Variants in TMTC2 observed in about 807,000 individuals in gnomAD.
TMTC2 encodes protein O-mannosyl-transferase TMTC2.
TMTC2 carries 43 observed loss-of-function variants against 82.4 expected under a neutral mutation model. That is an observed-to-expected ratio of 0.52 (90% CI 0.41 to 0.67). The LOEUF (loss-of-function observed/expected upper bound fraction) is 0.67, where lower values mean the gene tolerates loss of function less well. Ranked by LOEUF, TMTC2 falls within the 30% of genes least tolerant of loss-of-function variation. TMTC2 has a pLI of 0.00. For synonymous variants in TMTC2, 408 were observed against 381.9 expected, an observed-to-expected ratio of 1.07 and a Z score of -0.80; for missense variants, 919 against 1,012.4, an observed-to-expected ratio of 0.91 and a Z score of 1.25.
intron 11 of TMTC2, among the ~76,000 whole-genome samples, chr12:83,080,689 A>G (rs1883435723): frequency 6.6e-6 from 1 of 152,210 alleles, no homozygotes; most frequent in South Asian, 2.1e-4. Context: ...TACAATCACC[A>G]TTATAAATAA....
At chr12:82,951,294 T>C (rs1877330550) in intron 4 of TMTC2, among the ~76,000 whole-genome samples, 1 of 39,490 alleles carries the variant, frequency 2.5e-5, no homozygotes, top group African/African-American at 7.6e-5. Context: ...CCCAGTGGAA[T>C]TTAACTTTTT....
chr12:82,818,684 A>G (rs896928004), intron 1 of TMTC2, among the ~76,000 whole-genome samples: 83 of 152,106 alleles, frequency 5.5e-4, no homozygotes, highest in African/African-American at 2.0e-3. Context: ...TGAATACTCA[A>G]CTATGTTAAA....
intron 2 of TMTC2, among the ~76,000 whole-genome samples, chr12:82,886,020 C>T (rs1229853366): frequency 6.6e-6 from 1 of 152,198 alleles, no homozygotes; most frequent in Non-Finnish European, 1.5e-5. Context: ...TTTTGTATCA[C>T]TTATCAATAT....
chr12:82,872,841 C>T (rs898870827), intron 2 of TMTC2, among the ~76,000 whole-genome samples: 4 of 152,010 alleles, frequency 2.6e-5, no homozygotes, highest in Non-Finnish European at 5.9e-5. Context: ...AGGCCAGTGA[C>T]GTATGATTTT....
At chr12:82,889,225 C>T (rs11115475) in intron 2 of TMTC2, among the ~76,000 whole-genome samples, 61,131 of 148,872 alleles carry the variant, frequency 0.41, 12,505 homozygotes, top group Middle Eastern at 0.51. Context: ...TGCAGTGAGC[C>T]GAGATCGTAC....
At position 82,937,434 on chromosome 12, in the gene TMTC2, G is replaced by A. The variant is rs866817613; in HGVS notation, c.1598+6889G>A. 2.0e-5 allele frequency among the ~76,000 whole-genome samples: 3 copies of A among 152,104 alleles called. No individual in the cohort carries two copies. In the South Asian group the frequency reaches 6.2e-4, roughly 31 times the overall value. On this transcript the variant is annotated intron_variant, in intron 4 of 11. Coordinates refer to ENST00000321196, the MANE Select transcript of TMTC2 (RefSeq NM_152588.3). ...AAAAGGACATCAGTCATATGGGATTGGGGCCTACCCATAATAATGAATTAC... is the reference window on the plus strand; with the variant it reads ...AAAAGGACATCAGTCATATGGGATTAGGGCCTACCCATAATAATGAATTAC...
At chr12:82,978,142 A>G (rs907035285) in intron 7 of TMTC2, among the ~76,000 whole-genome samples, 2 of 151,898 alleles carry the variant, frequency 1.3e-5, no homozygotes, top group South Asian at 2.1e-4. Context: ...CAGAGTTATA[A>G]CTATTAAATG....
chr12:82,993,748 T>A (rs1167919048), intron 8 of TMTC2, among the ~76,000 whole-genome samples: 2 of 152,218 alleles, frequency 1.3e-5, no homozygotes, highest in Non-Finnish European at 2.9e-5. Context: ...CATTTTGTCA[T>A]AGTCAGCGAC....
intron 2 of TMTC2, among the ~76,000 whole-genome samples, chr12:82,876,099 G>T (rs2662076): frequency 9.0e-4 from 120 of 133,652 alleles, no homozygotes; most frequent in African/African-American, 3.7e-3. Context: ...TATTCATAAT[G>T]GTGGTGGTGG....
chr12:82,788,541 A>T (rs550733318), intron 1 of TMTC2, among the ~76,000 whole-genome samples: 1 of 152,068 alleles, frequency 6.6e-6, no homozygotes, highest in Non-Finnish European at 1.5e-5. Flanking sequence ...CTCCCCACTT[A>T]TATTTTGCAT....
At position 82,716,920 on chromosome 12, in the gene TMTC2, C is replaced by T. The variant is rs540725455; in HGVS notation, c.83+29251C>T. Among the ~76,000 whole-genome samples, 48 of 152,190 alleles carry T rather than the reference C, an allele frequency of 3.2e-4. No individual in the cohort carries two copies. The East Asian group carries it at 8.5e-3, about 27-fold the overall frequency. ...CTTTCTGCAATTTGTTGATACAGGG[C>T]TCTGCAGTGAGAAAGAAAGGTATAT... On this transcript the variant is annotated intron_variant, in intron 1 of 11. Coordinates refer to ENST00000321196, the MANE Select transcript of TMTC2 (RefSeq NM_152588.3).
At position 82,889,282 on chromosome 12, in the gene TMTC2, A is replaced by AAC. The variant is rs745538936; in HGVS notation, c.655-6535_655-6534insCA. On this transcript the variant is annotated intron_variant, in intron 2 of 11. Coordinates refer to ENST00000321196, the MANE Select transcript of TMTC2 (RefSeq NM_152588.3). ...ACAGAGTCTCCAAAAAAAAAAAAAA[A>AAC]AGTGTAGGAAATGACACATCAGTTA... Among the ~76,000 whole-genome samples, 1,055 of 149,494 alleles carry AAC rather than the reference A, an allele frequency of 7.1e-3. 21 individuals are homozygous for AAC. Among genetic ancestry groups the AAC allele is most frequent in the African/African-American group, 0.025 (998 of 40,302 alleles).
chr12:82,869,760 G>T (rs1166994285), intron 2 of TMTC2, among the ~76,000 whole-genome samples: 1 of 151,628 alleles, frequency 6.6e-6, no homozygotes, highest in African/African-American at 2.4e-5. Flanking sequence ...GATCACTTCA[G>T]TCCAGGAAGT....
At chr12:83,032,594 G>T (rs1051824563) in intron 9 of TMTC2, among the ~76,000 whole-genome samples, 1 of 151,864 alleles carries the variant, frequency 6.6e-6, no homozygotes, top group Non-Finnish European at 1.5e-5. Context: ...GCCCAGGCTG[G>T]TGTGCAATGG....
intron 4 of TMTC2, among the ~76,000 whole-genome samples, chr12:82,961,526 T>C (rs1186549297): frequency 1.3e-5 from 2 of 151,774 alleles, no homozygotes; most frequent in Non-Finnish European, 1.5e-5. Flanking sequence ...AGAAAGAGCA[T>C]GAGATTTAGT....
Position 82,851,091 on chromosome 12 carries a change from C to T in TMTC2, c.84-5919C>T, listed in dbSNP as rs545821783. 5.9e-5 allele frequency among the ~76,000 whole-genome samples: 9 copies of T among 151,700 alleles called. No homozygotes were observed. In the South Asian group the frequency reaches 1.9e-3, roughly 32 times the overall value. ...AAAAAAGAAAACAACATTGTGTTTG[C>T]ATTGATGGCTAGCATCAGTTGTTTG... On this transcript the variant is annotated intron_variant, in intron 1 of 11. Transcript: ENST00000321196.
chr12:82,935,334 G>T (rs1047109188), intron 4 of TMTC2, among the ~76,000 whole-genome samples: 2 of 151,978 alleles, frequency 1.3e-5, no homozygotes, highest in Non-Finnish European at 1.5e-5. Flanking sequence ...TGCATTTATT[G>T]TACAGCCTTG....
intron 1 of TMTC2, among the ~76,000 whole-genome samples, chr12:82,803,643 C>T (rs1037757548): frequency 5.3e-5 from 8 of 152,080 alleles, no homozygotes; most frequent in African/African-American, 1.9e-4. Context: ...AAAAATGCTT[C>T]GGTTGAGCAT....
At position 82,694,087 on chromosome 12, in the gene TMTC2, CAATT is replaced by C. The variant is rs768557564; in HGVS notation, c.83+6421_83+6424del. ...TTTTTTAATACAGGTAAATGGGAAA[CAATT>C]AAGTAAACCTATCTGTGTAAACCTG... On this transcript the variant is annotated intron_variant, in intron 1 of 11. Coordinates refer to ENST00000321196, the MANE Select transcript of TMTC2 (RefSeq NM_152588.3). Among the ~76,000 whole-genome samples the C allele has an allele frequency of 3.4e-5, 5 of 148,052 alleles. No individual in the cohort carries two copies. The East Asian group carries it at 6.0e-4, about 18-fold the overall frequency.
Sources: gnomAD v4.1 joint callset for allele counts (sites outside exome capture counted in the v4.1 genomes callset) on GRCh38, gnomAD v4.1.1 for gene constraint, MANE v1.5 for transcripts, NCBI Gene and HGNC (gene_info 2026-07-23, HGNC 2026-07-21) for gene names.